Variants in SPRY3 observed in about 807,000 individuals in gnomAD.
The protein encoded by SPRY3 is sprouty RTK signaling antagonist 3, also known as protein sprouty homolog 3.
A neutral mutation model predicts 20.2 loss-of-function variants in SPRY3; 15 were observed. The observed-to-expected ratio is 0.74, with a 90% CI of 0.50 to 1.14. The LOEUF (loss-of-function observed/expected upper bound fraction) is 1.14, where lower values mean the gene tolerates loss of function less well. Ranked by LOEUF, SPRY3 falls within the 50% of genes most tolerant of loss-of-function variation. SPRY3 has a pLI of 0.00. For missense variants in SPRY3, 364 were observed against 363.9 expected, an observed-to-expected ratio of 1.00 and a Z score of 0.00; for synonymous variants, 143 against 136.5, an observed-to-expected ratio of 1.05 and a Z score of -0.33.
At chrX:155,741,674 G>T (rs147753036) in intron 2 of SPRY3, among the ~76,000 whole-genome samples, 2,992 of 152,216 alleles carry the variant, frequency 0.02, 95 homozygotes, top group Admixed American at 0.09. Flanking sequence ...AACCCTACAA[G>T]CCAGAGATTG....
At chrX:155,779,470 G>A (rs1198823065), downstream of SPRY3, 2 of 166,874 alleles carry the variant, frequency 1.2e-5, no homozygotes, top group African/African-American at 4.8e-5. Context: ...GCTTTAAAGG[G>A]CTTCTTTTTT....
At chrX:155,678,631 G>A (rs924551535) in intron 2 of SPRY3, among the ~76,000 whole-genome samples, 10 of 111,471 alleles carry the variant, frequency 9.0e-5, no homozygotes, top group African/African-American at 2.9e-4. Flanking sequence ...ACTGAAAAGA[G>A]TGGCTTTGTA....
intron 2 of SPRY3, among the ~76,000 whole-genome samples, chrX:155,727,498 A>G (rs2091106358): frequency 6.6e-6 from 1 of 151,644 alleles, no homozygotes; most frequent in African/African-American, 2.4e-5. Context: ...GGCTTTGTTC[A>G]TTTCTTTTTA....
At chrX:155,753,491 A>G (rs937973872) in intron 2 of SPRY3, among the ~76,000 whole-genome samples, 5 of 151,962 alleles carry the variant, frequency 3.3e-5, no homozygotes, top group African/African-American at 7.2e-5. Flanking sequence ...AGCCTGTCCT[A>G]CTGAACAATC....
chrX:155,759,061 T>G (rs2091294159), intron 2 of SPRY3, among the ~76,000 whole-genome samples: 1 of 151,272 alleles, frequency 6.6e-6, no homozygotes, highest in Non-Finnish European at 1.5e-5. Context: ...TCAATGGATC[T>G]TATTAATTCT....
At chrX:155,631,307 T>C (rs2067905718) in intron 1 of SPRY3, among the ~76,000 whole-genome samples, 1 of 112,551 alleles carries the variant, frequency 8.9e-6, no homozygotes, top group African/African-American at 3.2e-5. Context: ...TAGTATTCCA[T>C]GTTGTATATG....
chrX:155,758,746 A>G (rs1312498988), intron 2 of SPRY3, among the ~76,000 whole-genome samples: 1 of 152,222 alleles, frequency 6.6e-6, no homozygotes, highest in African/African-American at 2.4e-5. Context: ...AAAATGAGTT[A>G]TAAGAGAGAA....
chrX:155,724,510 A>G (rs2091084393), intron 2 of SPRY3, among the ~76,000 whole-genome samples: 1 of 151,982 alleles, frequency 6.6e-6, no homozygotes, highest in Non-Finnish European at 1.5e-5. Flanking sequence ...CATCCCTTGT[A>G]AGTTGGATTC....
At chrX:155,674,750 T>G (rs1271099245) in intron 2 of SPRY3, among the ~76,000 whole-genome samples, 19 of 111,144 alleles carry the variant, frequency 1.7e-4, no homozygotes, top group African/African-American at 5.9e-4. Context: ...CAAGCCTGCT[T>G]TATCTTGTGT....
chrX:155,626,139 A>G (rs1603112755), intron 1 of SPRY3, among the ~76,000 whole-genome samples: 1 of 111,544 alleles, frequency 9.0e-6, no homozygotes, highest in Non-Finnish European at 1.9e-5. Flanking sequence ...CACAATGGCT[A>G]CACAATTTTA....
At chrX:155,716,978 C>CAA (rs1353700801) in intron 2 of SPRY3, among the ~76,000 whole-genome samples, 8 of 54,534 alleles carry the variant, frequency 1.5e-4, no homozygotes, top group African/African-American at 1.2e-3. Context: ...CACTAAAATA[C>CAA]AAAATATATA....
chrX:155,766,843 T>G (rs2091333765), intron 2 of SPRY3, among the ~76,000 whole-genome samples: 1 of 152,108 alleles, frequency 6.6e-6, no homozygotes. Flanking sequence ...CATGCCATGC[T>G]AAAGGGAAAG....
chrX:155,719,092 C>A (rs1388454171), intron 2 of SPRY3, among the ~76,000 whole-genome samples: 1 of 152,144 alleles, frequency 6.6e-6, no homozygotes, highest in Non-Finnish European at 1.5e-5. Context: ...ATGCCACCAC[C>A]CCCACAATGT....
intron 1 of SPRY3, among the ~76,000 whole-genome samples, chrX:155,635,621 A>G (rs1399279058): frequency 8.9e-6 from 1 of 112,353 alleles, no homozygotes; most frequent in East Asian, 2.8e-4. Context: ...AAAGCTCATT[A>G]TCACTGGTCA....
At chrX:155,765,628 G>A (rs1390133087) in intron 2 of SPRY3, among the ~76,000 whole-genome samples, 1 of 152,070 alleles carries the variant, frequency 6.6e-6, no homozygotes, top group African/African-American at 2.4e-5. Context: ...AACTTTTTTT[G>A]TCATGGGTAT....
chrX:155,756,080 T>C (rs1224155376), intron 2 of SPRY3, among the ~76,000 whole-genome samples: 1 of 152,068 alleles, frequency 6.6e-6, no homozygotes, highest in East Asian at 1.9e-4. Context: ...CTATATTTAG[T>C]ACTGGGTAGG....
At chrX:155,769,293 AG>A (rs1328368724) in intron 3 of SPRY3, among the ~76,000 whole-genome samples, 1 of 152,226 alleles carries the variant, frequency 6.6e-6, no homozygotes, top group Non-Finnish European at 1.5e-5. Flanking sequence ...GAGGAAGTAA[AG>A]AACCTAAAGG....
chrX:155,704,730 C>A, intron 2 of SPRY3, among the ~76,000 whole-genome samples: 1 of 151,362 alleles, frequency 6.6e-6, no homozygotes, highest in Non-Finnish European at 1.5e-5. Context: ...TTTATTCAAA[C>A]TGCTGGAAGA....
chrX:155,776,097 C>T (rs1052929008), exon 4 of SPRY3: 10 of 167,088 alleles, frequency 6.0e-5, no homozygotes, highest in African/African-American at 2.4e-4. Flanking sequence ...TCCTAGGGCT[C>T]TATTAACAGT....
Sources: gnomAD v4.1 joint callset for allele counts (sites outside exome capture counted in the v4.1 genomes callset) on GRCh38, gnomAD v4.1.1 for gene constraint, MANE v1.5 for transcripts, NCBI Gene and HGNC (gene_info 2026-07-23, HGNC 2026-07-21) for gene names.